Variants in FHIT observed in about 807,000 individuals in gnomAD.
FHIT encodes fragile histidine triad diadenosine triphosphatase.
Under a neutral mutation model 17.9 loss-of-function variants are expected in FHIT, and 19 were observed. The observed-to-expected ratio is 1.06, with a 90% CI of 0.74 to 1.56. The LOEUF (loss-of-function observed/expected upper bound fraction) is 1.56. FHIT is among the 40% of genes most tolerant of loss of function. FHIT has a pLI of 0.00. For missense variants in FHIT, 248 were observed against 189.2 expected (o/e 1.31, Z -1.82); for synonymous variants, 81 against 69.7 (o/e 1.16, Z -0.81).
intron 5 of FHIT, among the ~76,000 whole-genome samples, chr3:60,346,221 C>T (rs1710771582): frequency 6.6e-6 from 1 of 152,194 alleles, no homozygotes; most frequent in Non-Finnish European, 1.5e-5. Flanking sequence ...GTGCTCTTTA[C>T]AGCATTGGAA....
At chr3:60,520,191 A>G (rs1012349828) in intron 5 of FHIT, among the ~76,000 whole-genome samples, 2 of 152,204 alleles carry the variant, frequency 1.3e-5, no homozygotes, top group African/African-American at 4.8e-5. Flanking sequence ...ACTAGTATCT[A>G]CATATATTAA....
At chr3:60,240,643 G>C (rs145899641) in intron 5 of FHIT, among the ~76,000 whole-genome samples, 1 of 152,172 alleles carries the variant, frequency 6.6e-6, no homozygotes, top group Non-Finnish European at 1.5e-5. Flanking sequence ...GAAAGAGAAG[G>C]AAGAGGGATG....
At chr3:60,129,049 G>GTTTTTTTT (rs1553692328) in intron 5 of FHIT, among the ~76,000 whole-genome samples, 22 of 121,032 alleles carry the variant, frequency 1.8e-4, no homozygotes, top group South Asian at 5.1e-4. Context: ...TTCCTTTTTT[G>GTTTTTTTT]TTTGTTTTTT....
At chr3:60,588,952 T>C (rs554368984) in intron 4 of FHIT, among the ~76,000 whole-genome samples, 107 of 152,142 alleles carry the variant, frequency 7.0e-4, no homozygotes, top group African/African-American at 2.4e-3. Context: ...AATATGATGA[T>C]GACACATATG....
intron 4 of FHIT, among the ~76,000 whole-genome samples, chr3:60,593,388 T>G (rs2107699910): frequency 6.6e-6 from 1 of 152,260 alleles, no homozygotes; most frequent in Admixed American, 6.5e-5. Flanking sequence ...CACATTAATT[T>G]ACACTTGCAT....
rs533819938 is a variant in FHIT at position 60,964,856 on chromosome 3, T to C, written c.-111+77191A>G. On this transcript the variant is annotated intron_variant, in intron 3 of 9. Coordinates refer to ENST00000492590, the MANE Select transcript of FHIT (RefSeq NM_002012.4). Reference sequence around the variant, plus strand: ...TAACCTGACCTTTCTCTCTGGCTGCTCTTAACATTTTTTCCTTCATTTCAA... The same window carrying C: ...TAACCTGACCTTTCTCTCTGGCTGCCCTTAACATTTTTTCCTTCATTTCAA... Among the ~76,000 whole-genome samples, 826 of 152,254 alleles carry C rather than the reference T, an allele frequency of 5.4e-3. 3 individuals carry two copies. The highest frequency in any genetic ancestry group is 9.4e-3 in the Non-Finnish European group (639 of 68,014).
chr3:59,791,740 G>C (rs1699571064), intron 8 of FHIT, among the ~76,000 whole-genome samples: 1 of 152,084 alleles, frequency 6.6e-6, no homozygotes, highest in African/African-American at 2.4e-5. Flanking sequence ...CAATTCTAGG[G>C]CAAGGACATT....
chr3:60,204,716 T>C (rs1703090950), intron 5 of FHIT, among the ~76,000 whole-genome samples: 1 of 152,096 alleles, frequency 6.6e-6, no homozygotes, highest in Non-Finnish European at 1.5e-5. Context: ...AATGCACTAA[T>C]ACAAATGAAA....
At chr3:60,387,063 C>T (rs1393051606) in intron 5 of FHIT, among the ~76,000 whole-genome samples, 1 of 140,766 alleles carries the variant, frequency 7.1e-6, no homozygotes, top group African/African-American at 2.6e-5. Flanking sequence ...TCTCAGCTCA[C>T]TGCAACCTCT....
intron 5 of FHIT, among the ~76,000 whole-genome samples, chr3:60,153,066 T>C (rs967719993): frequency 1.3e-5 from 2 of 152,174 alleles, no homozygotes; most frequent in Admixed American, 6.6e-5. Context: ...CTGTTTATTT[T>C]CCTCCTCAGC....
intron 4 of FHIT, among the ~76,000 whole-genome samples, chr3:60,551,054 T>A (rs926252532): frequency 6.6e-6 from 1 of 152,040 alleles, no homozygotes. Flanking sequence ...TGTGACTATA[T>A]GGGGATAAAA....
rs532579345 is a variant in FHIT at position 60,266,460 on chromosome 3, G to A, written c.104-252308C>T. Among the ~76,000 whole-genome samples the A allele has an allele frequency of 3.9e-5, 6 of 152,108 alleles. No homozygotes were observed. The South Asian group carries it at 1.0e-3, about 26-fold the overall frequency. On this transcript the variant is annotated intron_variant, in intron 5 of 9. Transcript: ENST00000492590. The stretch of plus-strand genomic sequence containing the variant: ...GGTTTCTTTTGGTGGTGATGAAAAT[G>A]GTCTAAAAATGACTATGGTGATAGT...
chr3:61,205,213 G>A (rs375406267), intron 1 of FHIT, among the ~76,000 whole-genome samples: 1 of 152,026 alleles, frequency 6.6e-6, no homozygotes, highest in East Asian at 1.9e-4. Context: ...TCTTAATCCA[G>A]TCTATCATTG....
intron 2 of FHIT, among the ~76,000 whole-genome samples, chr3:61,054,720 C>G (rs769994772): frequency 2.6e-5 from 4 of 152,172 alleles, no homozygotes; most frequent in Non-Finnish European, 5.9e-5. Context: ...TAAGAGAACA[C>G]TGGTCTCCTG....
chr3:61,202,765 C>T (rs1281413774), intron 1 of FHIT, among the ~76,000 whole-genome samples: 3 of 152,102 alleles, frequency 2.0e-5, no homozygotes, highest in Admixed American at 6.5e-5. Context: ...GAAAGTAAAG[C>T]AACAGTGCGG....
In FHIT at chr3:60,371,313, A is replaced by G. The variant is rs541715199; in HGVS notation, c.103+165547T>C. On this transcript the variant is annotated intron_variant, in intron 5 of 9. Transcript: ENST00000492590. ...AATTGGGATATCCACCACCTTAAAT[A>G]TTCATCTTTTTTATGCTACAACCAT... 1.3e-3 allele frequency among the ~76,000 whole-genome samples: 197 copies of G among 152,100 alleles called. 1 individual carries two copies. Among genetic ancestry groups the G allele is most frequent in the Non-Finnish European group, 2.1e-3 (145 of 67,994 alleles).
chr3:60,162,118 G>C (rs1700965972), intron 5 of FHIT, among the ~76,000 whole-genome samples: 2 of 152,166 alleles, frequency 1.3e-5, no homozygotes, highest in South Asian at 4.1e-4. Context: ...AGGAGACAGA[G>C]GAAGGGGCAG....
intron 4 of FHIT, among the ~76,000 whole-genome samples, chr3:60,814,193 T>C (rs973427309): frequency 6.6e-6 from 1 of 152,186 alleles, no homozygotes; most frequent in East Asian, 1.9e-4. Context: ...CATCTGTTTT[T>C]ATGTGTTTAT....
chr3:60,628,092 T>A (rs1163149488), intron 4 of FHIT, among the ~76,000 whole-genome samples: 3 of 152,242 alleles, frequency 2.0e-5, no homozygotes, highest in African/African-American at 7.2e-5. Flanking sequence ...TTAAGCTATA[T>A]GTTTCCCTCA....
Sources: allele counts gnomAD v4.1 joint callset (sites outside exome capture counted in the v4.1 genomes callset), GRCh38; gene constraint gnomAD v4.1.1; transcripts MANE v1.5; gene names NCBI Gene and HGNC (gene_info 2026-07-23, HGNC 2026-07-21).